Variants in ERBB4 observed in about 807,000 individuals in gnomAD.
ERBB4 encodes receptor tyrosine-protein kinase erbB-4.
In ERBB4, 42 loss-of-function variants were observed where a neutral mutation model predicts 158.0. The observed-to-expected ratio is 0.27, with a 90% CI of 0.21 to 0.34. The LOEUF is 0.34. Ranked by LOEUF, ERBB4 falls within the 10% of genes least tolerant of loss-of-function variation. The probability of loss-of-function intolerance (pLI) is 1.00; values close to 1 mark genes in which losing one functional copy is unlikely to be tolerated. For synonymous variants in ERBB4, 583 were observed against 558.7 expected (o/e 1.04, Z -0.61); for missense variants, 1,333 against 1,624.1 (o/e 0.82, Z 3.08).
intron 27 of ERBB4, among the ~76,000 whole-genome samples, chr2:211,385,245 C>T (rs1313965294): frequency 6.6e-6 from 1 of 151,842 alleles, no homozygotes; most frequent in East Asian, 1.9e-4. Flanking sequence ...AATGAATATC[C>T]CACTATCATA....
intron 14 of ERBB4, among the ~76,000 whole-genome samples, chr2:211,666,870 A>G (rs1166730675): frequency 6.6e-6 from 1 of 152,202 alleles, no homozygotes; most frequent in East Asian, 1.9e-4. Context: ...ATACAGAGAG[A>G]CAATTCTATC....
intron 1 of ERBB4, among the ~76,000 whole-genome samples, chr2:212,138,450 T>A (rs545668547): frequency 1.1e-3 from 174 of 152,254 alleles, no homozygotes; most frequent in African/African-American, 3.9e-3. Context: ...TGTTAAAAAT[T>A]CAGCCTGGCA....
intron 3 of ERBB4, among the ~76,000 whole-genome samples, chr2:211,794,428 T>G (rs570303587): frequency 1.3e-5 from 2 of 152,020 alleles, no homozygotes; most frequent in African/African-American, 4.8e-5. Context: ...CCCTCAAGGA[T>G]TAGAACTATG....
At chr2:212,090,862 T>G (rs2078754058) in intron 2 of ERBB4, among the ~76,000 whole-genome samples, 1 of 152,210 alleles carries the variant, frequency 6.6e-6, no homozygotes, top group South Asian at 2.1e-4. Flanking sequence ...TCCACTATCT[T>G]TAGTGATTTG....
At chr2:212,283,630 T>A (rs567755256) in intron 1 of ERBB4, among the ~76,000 whole-genome samples, 38 of 152,110 alleles carry the variant, frequency 2.5e-4, no homozygotes, top group South Asian at 2.1e-4. Context: ...GTTTAAATGC[T>A]GAATTTGAGG....
chr2:211,455,476 T>C (rs1356693247), intron 20 of ERBB4, among the ~76,000 whole-genome samples: 1 of 152,198 alleles, frequency 6.6e-6, no homozygotes, highest in Non-Finnish European at 1.5e-5. Flanking sequence ...TTTTGCCAAT[T>C]GAAATCAGTT....
At chr2:211,386,757 GC>G (rs2062692563) in intron 27 of ERBB4, 95 bp downstream of exon 27, 2 of 1,198,682 alleles carry the variant, frequency 1.7e-6, no homozygotes, top group Admixed American at 3.6e-5. Context: ...CAAATGTTGT[GC>G]TGGTCAGCTA....
intron 25 of ERBB4, 56 bp downstream of exon 25, chr2:211,420,385 T>C: frequency 8.0e-7 from 1 of 1,245,418 alleles, no homozygotes; most frequent in South Asian, 1.2e-5. Context: ...TTATGAACTA[T>C]TACATGATTT....
At chr2:211,785,554 C>T (rs1264751896) in intron 4 of ERBB4, among the ~76,000 whole-genome samples, 1 of 152,104 alleles carries the variant, frequency 6.6e-6, no homozygotes, top group Non-Finnish European at 1.5e-5. Context: ...AGTTTTAAGT[C>T]TTATGCTTAG....
At chr2:211,556,195 C>A (rs1441622419) in intron 20 of ERBB4, among the ~76,000 whole-genome samples, 1 of 152,134 alleles carries the variant, frequency 6.6e-6, no homozygotes, top group Non-Finnish European at 1.5e-5. Context: ...CAAAAAGGGG[C>A]ATTACATAAT....
At chr2:211,938,866 A>G (rs1018643670) in intron 3 of ERBB4, among the ~76,000 whole-genome samples, 7 of 152,276 alleles carry the variant, frequency 4.6e-5, no homozygotes, top group Middle Eastern at 3.4e-3. Flanking sequence ...TTACTTTCCA[A>G]AAGAATCCTA....
At chr2:212,419,805 G>C (rs2091752147) in intron 1 of ERBB4, among the ~76,000 whole-genome samples, 1 of 151,844 alleles carries the variant, frequency 6.6e-6, no homozygotes, top group Non-Finnish European at 1.5e-5. Flanking sequence ...CTATTCAATA[G>C]TTAATAGTAT....
At position 212,320,351 on chromosome 2, in the gene ERBB4, A is replaced by G. The variant is rs747470559; in HGVS notation, c.83-195448T>C. Reference sequence around the variant, plus strand: ...TTTACTTCTTCTTCTTCTTGGTAATAGTGAACAAATAAGAAATAAAGCATT... The same window carrying G: ...TTTACTTCTTCTTCTTCTTGGTAATGGTGAACAAATAAGAAATAAAGCATT... On this transcript the variant is annotated intron_variant, in intron 1 of 27. Transcript: ENST00000342788. 4.7e-5 allele frequency among the ~76,000 whole-genome samples: 7 copies of G among 148,736 alleles called. 2 individuals are homozygous for G. The highest frequency in any genetic ancestry group is 1.1e-4 in the Non-Finnish European group (7 of 66,468).
intron 20 of ERBB4, among the ~76,000 whole-genome samples, chr2:211,433,886 G>A (rs1053440300): frequency 4.6e-5 from 7 of 152,096 alleles, no homozygotes; most frequent in South Asian, 2.1e-4. Flanking sequence ...AGATCCCTCC[G>A]CTCACTATTT....
At chr2:212,230,844 T>A (rs868149023) in intron 1 of ERBB4, among the ~76,000 whole-genome samples, 1 of 152,128 alleles carries the variant, frequency 6.6e-6, no homozygotes, top group African/African-American at 2.4e-5. Context: ...AAAAATCCAA[T>A]GAGCAGTACC....
chr2:211,786,500 AC>A lies in ERBB4; in HGVS notation c.556+1524del, dbSNP rs542446694. ...ACCTGCAATTATTTACATGAAAAAA[AC>A]AATACAGCCACAGTTGCCTAATTAT... is the stretch of plus-strand genomic sequence containing the variant. On this transcript the variant is annotated intron_variant, in intron 4 of 27. Coordinates refer to ENST00000342788, the MANE Select transcript of ERBB4 (RefSeq NM_005235.3). 6.6e-5 allele frequency among the ~76,000 whole-genome samples: 10 copies of A among 152,374 alleles called. No individual in the cohort carries two copies. In the South Asian group the frequency reaches 8.3e-4, roughly 13 times the overall value.
At chr2:211,430,857 G>T in intron 21 of ERBB4, 88 bp downstream of exon 21, 1 of 1,151,656 alleles carries the variant, frequency 8.7e-7, no homozygotes, top group Non-Finnish European at 1.3e-6. Flanking sequence ...TAAGCTTCAG[G>T]CTTATTGGTT....
rs111242433 is a variant in ERBB4 at position 212,034,874 on chromosome 2, T to C, written c.235-87258A>G. 3.6e-3 allele frequency among the ~76,000 whole-genome samples: 546 copies of C among 152,302 alleles called. 3 individuals are homozygous for C. Among genetic ancestry groups the C allele is most frequent in the South Asian group, 8.3e-3 (40 of 4,826 alleles). ...AAAAATGCTAAGCCAATGGGATGGTTTCACTGGAACAAAGTGAATGTCCAC... is the reference window on the plus strand; with the variant it reads ...AAAAATGCTAAGCCAATGGGATGGTCTCACTGGAACAAAGTGAATGTCCAC... On this transcript the variant is annotated intron_variant, in intron 2 of 27. Transcript: ENST00000342788.
intron 1 of ERBB4, among the ~76,000 whole-genome samples, chr2:212,278,447 C>A (rs2085628345): frequency 6.6e-6 from 1 of 151,536 alleles, no homozygotes; most frequent in Non-Finnish European, 1.5e-5. Flanking sequence ...ATGGTCTTTT[C>A]AGTGAGGGGA....
Sources: gnomAD v4.1 joint callset for allele counts (sites outside exome capture counted in the v4.1 genomes callset) on GRCh38, gnomAD v4.1.1 for gene constraint, MANE v1.5 for transcripts, NCBI Gene and HGNC (gene_info 2026-07-23, HGNC 2026-07-21) for gene names.